The following MAN1C1 variants were observed in gnomAD, a reference collection of about 807,000 sequenced individuals.
MAN1C1 encodes the protein mannosidase alpha class 1C member 1.
MAN1C1 carries 49 observed loss-of-function variants against 71.5 expected under a neutral mutation model. The ratio of observed to expected loss-of-function variants is 0.69; its 90% confidence interval spans 0.54 to 0.87. MAN1C1 has a LOEUF of 0.87. Among genes scored for constraint, MAN1C1 ranks in the 40% least tolerant of loss-of-function variants. The pLI is 0.00. For synonymous variants in MAN1C1, 352 were observed against 343.7 expected, an observed-to-expected ratio of 1.02 and a Z score of -0.27; for missense variants, 743 against 835.0, an observed-to-expected ratio of 0.89 and a Z score of 1.36.
intron 6 of MAN1C1, chr1:25,759,599 C>A (rs1447208885): frequency 6.6e-6 from 1 of 152,216 alleles, no homozygotes; most frequent in Non-Finnish European, 1.5e-5. Context: ...ATGATAGATT[C>A]CCACAGCTAC....
intron 2 of MAN1C1, among the ~76,000 whole-genome samples, chr1:25,724,698 A>G (rs2046810583): frequency 6.6e-6 from 1 of 152,192 alleles, no homozygotes; most frequent in Admixed American, 6.5e-5. Flanking sequence ...GTGTCTAGGC[A>G]TGGCTCCGGA....
At position 25,725,802 on chromosome 1, in the gene MAN1C1, C is replaced by T. The variant is rs945344703; in HGVS notation, c.638-20866C>T. Reference sequence around the variant, plus strand: ...GAGGGAGACTGCGCCATCTGAAAGCCGGGGGCTGGGTTCAAGGCACCTGAG... The same window carrying T: ...GAGGGAGACTGCGCCATCTGAAAGCTGGGGGCTGGGTTCAAGGCACCTGAG... On this transcript the variant is annotated intron_variant, in intron 2 of 11. Transcript: ENST00000374332. The surrounding 1 kb of genome is among the most constrained non-coding windows in gnomAD (Gnocchi z 4.8). Among the ~76,000 whole-genome samples, 2 of 152,172 alleles carry T rather than the reference C, an allele frequency of 1.3e-5. No homozygotes were observed. Among genetic ancestry groups the T allele is most frequent in the African/African-American group, 4.8e-5 (2 of 41,432 alleles).
intron 2 of MAN1C1, among the ~76,000 whole-genome samples, chr1:25,727,522 C>T (rs1178016031): frequency 6.6e-6 from 1 of 152,214 alleles, no homozygotes; most frequent in African/African-American, 2.4e-5. Flanking sequence ...ACTCCAGGCT[C>T]CAGAGGCTGG....
intron 1 of MAN1C1, among the ~76,000 whole-genome samples, chr1:25,681,753 A>G (rs1200203265): frequency 6.6e-6 from 1 of 152,172 alleles, no homozygotes; most frequent in African/African-American, 2.4e-5. Flanking sequence ...CATTCCAACC[A>G]GCCATGTATG....
At chr1:25,653,956 G>A (rs1021055775) in intron 1 of MAN1C1, among the ~76,000 whole-genome samples, 14 of 152,178 alleles carry the variant, frequency 9.2e-5, no homozygotes, top group Non-Finnish European at 1.5e-4. Context: ...AGGGGCCAGG[G>A]AAGCTGATAA....
At chr1:25,743,188 A>G (rs1303464182) in intron 2 of MAN1C1, among the ~76,000 whole-genome samples, 1 of 152,120 alleles carries the variant, frequency 6.6e-6, no homozygotes, top group African/African-American at 2.4e-5. Context: ...CGGCATTTGA[A>G]CGCGGGGCTG....
intron 2 of MAN1C1, among the ~76,000 whole-genome samples, chr1:25,695,408 G>A (rs1202999933): frequency 6.6e-6 from 1 of 152,186 alleles, no homozygotes; most frequent in Non-Finnish European, 1.5e-5. Context: ...TTAGCCCAAG[G>A]AAGATAAGAG....
intron 1 of MAN1C1, among the ~76,000 whole-genome samples, chr1:25,675,024 C>G (rs2046044872): frequency 6.6e-6 from 1 of 152,096 alleles, no homozygotes; most frequent in African/African-American, 2.4e-5. Flanking sequence ...AGATACTTCT[C>G]TTTTAGTGGA....
At position 25,673,581 on chromosome 1, in the gene MAN1C1, A is replaced by T. The variant is rs575446965; in HGVS notation, c.541-12859A>T. Among the ~76,000 whole-genome samples the T allele has an allele frequency of 2.6e-5, 4 of 152,370 alleles. No individual in the cohort carries two copies. In the South Asian group the frequency reaches 8.3e-4, roughly 32 times the overall value. On this transcript the variant is annotated intron_variant, in intron 1 of 11. Transcript: ENST00000374332. ...TAACAGTATCATTATTTTTACACAG[A>T]TGAACAGATTGAGGCACAGAGAGGT...
chr1:25,767,151 T>TACAC (rs368029140), intron 7 of MAN1C1, among the ~76,000 whole-genome samples: 15 of 146,586 alleles, frequency 1.0e-4, no homozygotes, highest in African/African-American at 2.9e-4. Flanking sequence ...ACCACACTCG[T>TACAC]ACACACACAC....
At chr1:25,780,915 GC>G in intron 9 of MAN1C1, 24 bp from the exon 10 acceptor site, 3 of 1,610,410 alleles carry the variant, frequency 1.9e-6, no homozygotes, top group Non-Finnish European at 2.5e-6. Context: ...TCTGACCTGG[GC>G]CCTCTGCTTG....
chr1:25,682,580 G>C (rs1237497084), intron 1 of MAN1C1, among the ~76,000 whole-genome samples: 1 of 152,178 alleles, frequency 6.6e-6, no homozygotes, highest in Non-Finnish European at 1.5e-5. Flanking sequence ...TCAAGAGCTG[G>C]CTCCCCGTGG....
At chr1:25,665,715 A>G (rs2045913251) in intron 1 of MAN1C1, among the ~76,000 whole-genome samples, 1 of 152,164 alleles carries the variant, frequency 6.6e-6, no homozygotes, top group Non-Finnish European at 1.5e-5. Context: ...CTGTGAAGTC[A>G]GGTTATTTCC....
chr1:25,723,664 T>C (rs1010695239), intron 2 of MAN1C1, among the ~76,000 whole-genome samples: 5 of 152,242 alleles, frequency 3.3e-5, no homozygotes, highest in African/African-American at 1.2e-4. Flanking sequence ...TTAACCACGA[T>C]CTCTGGCTCT....
At chr1:25,740,672 G>A (rs200039560) in intron 2 of MAN1C1, among the ~76,000 whole-genome samples, 1 of 152,000 alleles carries the variant, frequency 6.6e-6, no homozygotes, top group South Asian at 2.1e-4. Flanking sequence ...TCCTGACCTC[G>A]TGATCCACCC....
chr1:25,693,033 T>C (rs150325392), intron 2 of MAN1C1, among the ~76,000 whole-genome samples: 1 of 152,334 alleles, frequency 6.6e-6, no homozygotes, highest in East Asian at 1.9e-4. Flanking sequence ...AATCTGAGTA[T>C]AACTTTTGAC....
chr1:25,711,313 T>C lies in MAN1C1; in HGVS notation c.637+24777T>C, dbSNP rs1477482584. Among the ~76,000 whole-genome samples the C allele has an allele frequency of 6.6e-6, 1 of 152,208 alleles. No homozygotes were observed. The highest frequency in any genetic ancestry group is 1.5e-5 in the Non-Finnish European group (1 of 68,042). On this transcript the variant is annotated intron_variant, in intron 2 of 11. Coordinates refer to ENST00000374332, the MANE Select transcript of MAN1C1 (RefSeq NM_020379.4). This position sits in a 1 kb window ranked among gnomAD's most constrained non-coding sequence, Gnocchi z 4.3. ...TGATGGGAACAACCGCTAAGTCTCA[T>C]GGCCAAAGTCAGGGCTACAGGGAGA...
chr1:25,781,506 C>T (rs2047694398), intron 10 of MAN1C1, among the ~76,000 whole-genome samples: 1 of 152,184 alleles, frequency 6.6e-6, no homozygotes, highest in African/African-American at 2.4e-5. Flanking sequence ...CCTCCTCTTC[C>T]CACAGGCAGC....
At chr1:25,688,378 G>C (rs2046263072) in intron 2 of MAN1C1, among the ~76,000 whole-genome samples, 1 of 152,128 alleles carries the variant, frequency 6.6e-6, no homozygotes, top group Admixed American at 6.5e-5. Flanking sequence ...GTATAAACAG[G>C]GACATTATCA....
Sources: gnomAD v4.1 joint callset for allele counts (sites outside exome capture counted in the v4.1 genomes callset) on GRCh38, gnomAD v4.1.1 for gene constraint, Gnocchi (gnomAD v3.1) non-coding constraint, MANE v1.5 for transcripts, NCBI Gene and HGNC (gene_info 2026-07-23, HGNC 2026-07-21) for gene names.